The following NOL9 variants were observed in gnomAD, a reference collection of about 807,000 sequenced individuals.
The protein encoded by NOL9 is nucleolar protein 9.
A neutral mutation model predicts 67.9 loss-of-function variants in NOL9; 28 were observed. The observed-to-expected ratio is 0.41, with a 90% CI of 0.31 to 0.57. The LOEUF is 0.57. Among genes scored for constraint, NOL9 ranks in the 20% least tolerant of loss-of-function variants. The pLI is 0.25. For synonymous variants in NOL9, 356 were observed against 352.2 expected (o/e 1.01, Z -0.12); for missense variants, 777 against 897.0 (o/e 0.87, Z 1.71).
chr1:6,533,909 C>CA (rs1639090538), intron 6 of NOL9, among the ~76,000 whole-genome samples: 8 of 148,894 alleles, frequency 5.4e-5, no homozygotes, highest in African/African-American at 2.0e-4. Flanking sequence ...TTTTTTTAGA[C>CA]AGAGTTTCAC....
At chr1:6,531,845 T>C in intron 9 of NOL9, 123 bp downstream of exon 9, 2 of 747,420 alleles carry the variant, frequency 2.7e-6, no homozygotes, top group Non-Finnish European at 4.7e-6. Flanking sequence ...GCTGTGTCAC[T>C]GGGATGTTCT....
rs1639496363 is a variant in NOL9, at chr1:6,549,593, G to A, written c.722C>T (p.Ser241Leu). The change falls in exon 3 of 12, where the codon TCA becomes TTA. Residue 241 changes from serine to leucine, a missense_variant. Coordinates refer to ENST00000377705, the MANE Select transcript of NOL9 (RefSeq NM_024654.5). The part of the protein sequence containing the change: ...TVNFITSYPG[S>L]SYIFVQESPT... ...TACCTCTTGCACAAAAATGTAGGAT[G>A]AACCCGGATAGCTGGTTATGAAGTT... 1.2e-6 allele frequency: 2 copies of A among 1,614,070 alleles called. No individual in the cohort carries two copies. The highest frequency in any genetic ancestry group is 1.7e-6 in the Non-Finnish European group (2 of 1,180,002).
rs147392223 is a variant in NOL9 at position 6,528,782 on chromosome 1, G to A, written c.1825+212C>T. ...GAGGAGGGCCAAGCCCAGGCCCTTG[G>A]GAAGCCTACATTTACAGGAGCTGGC... On this transcript the variant is annotated intron_variant, in intron 10 of 11. Transcript: ENST00000377705. Among the ~76,000 whole-genome samples, 80 of 152,348 alleles carry A rather than the reference G, an allele frequency of 5.3e-4. 2 individuals are homozygous for A. Among genetic ancestry groups the A allele is most frequent in the African/African-American group, 1.8e-3 (76 of 41,582 alleles).
At chr1:6,535,786 G>C (rs1283133691) in intron 6 of NOL9, among the ~76,000 whole-genome samples, 1 of 152,094 alleles carries the variant, frequency 6.6e-6, no homozygotes, top group Non-Finnish European at 1.5e-5. Flanking sequence ...AAATTAGCCA[G>C]GCATGGTGGC....
chr1:6,532,060 G>T lies in NOL9; in HGVS notation c.1555C>A (p.Leu519Ile). The change falls in exon 9 of 12, where the codon CTT becomes ATT. Residue 519 changes from leucine to isoleucine, a missense_variant. This residue lies in a region of NOL9 where 413 missense variants were observed against 552.6 expected (regional missense o/e 0.75). Transcript: ENST00000377705. ...PRNRESHNKI[L>I]RDLSILSYLS... ...TAACTCAAGATGGACAGATCTCGAAGAATTTTGTTATGTGACTCTCTGAAA... is the reference window on the plus strand; with the variant it reads ...TAACTCAAGATGGACAGATCTCGAATAATTTTGTTATGTGACTCTCTGAAA... The T allele has an allele frequency of 6.2e-7, 1 of 1,614,170 alleles. No homozygotes were observed. Among genetic ancestry groups the T allele is most frequent in the South Asian group, 1.1e-5 (1 of 91,082 alleles).
At position 6,554,297 on chromosome 1, in the gene NOL9, A is replaced by C. The variant is rs1211848195; in HGVS notation, c.206T>G (p.Val69Gly). The change falls in exon 1 of 12, where the codon GTG becomes GGG. Residue 69 changes from valine to glycine, a missense_variant. Physicochemically the swap from Val to Gly is moderately radical, Grantham distance 109. Coordinates refer to ENST00000377705, the MANE Select transcript of NOL9 (RefSeq NM_024654.5). The stretch of plus-strand genomic sequence containing the variant: ...TCTCCGGGCCGCCGCCGCGCGCGAC[A>C]CCTGGCGGGCTCCCTCCCTCCAGTC... ...GVDWREGARQ[V>G]SRAAAARRPN... 3.4e-5 allele frequency: 50 copies of C among 1,475,256 alleles called. No homozygotes were observed. The highest frequency in any genetic ancestry group is 4.2e-5 in the Non-Finnish European group (47 of 1,115,924). The allele number at this position is 1,475,256 out of a possible 1,614,324, so 91.4% of individuals were successfully genotyped here.
chr1:6,534,320 G>A (rs1389342210), intron 6 of NOL9, among the ~76,000 whole-genome samples: 1 of 151,756 alleles, frequency 6.6e-6, no homozygotes, highest in Non-Finnish European at 1.5e-5. Context: ...AACCCAGAGG[G>A]GCCGGCTCCT....
chr1:6,531,694 C>A (rs1639032123), intron 9 of NOL9, among the ~76,000 whole-genome samples: 1 of 152,146 alleles, frequency 6.6e-6, no homozygotes, highest in Non-Finnish European at 1.5e-5. Context: ...CCACACTTAT[C>A]CTCAGTACAG....
At chr1:6,552,963 T>C (rs1425259564) in intron 1 of NOL9, among the ~76,000 whole-genome samples, 5 of 152,090 alleles carry the variant, frequency 3.3e-5, no homozygotes, top group African/African-American at 1.2e-4. Flanking sequence ...AGGCGTGTGC[T>C]ACCATGCCCA....
rs372387805 is a variant in NOL9, at chr1:6,554,270, G to C, written c.233C>G (p.Pro78Arg). Residue 78 changes from proline to arginine, a missense_variant, in exon 1 of 12, where the codon CCC (proline) becomes CGC (arginine). By Grantham distance (103) the Pro-to-Arg change is moderately radical. Transcript: ENST00000377705. ...QVSRAAAARR[P>R]NTATPSPIPS... ...GATCGGGCTGGGGGTCGCGGTGTTG[G>C]GTCTCCGGGCCGCCGCCGCGCGCGA... 2.4e-5 allele frequency: 35 copies of C among 1,477,068 alleles called. No individual in the cohort carries two copies. The highest frequency in any genetic ancestry group is 1.8e-4 in the East Asian group (6 of 34,248). 91.5% of individuals were successfully genotyped at this position (1,477,068 alleles called of 1,614,324 possible).
intron 7 of NOL9, among the ~76,000 whole-genome samples, 162 bp from the exon 8 acceptor site, chr1:6,532,922 C>A (rs1281764990): frequency 2.0e-5 from 3 of 152,238 alleles, no homozygotes; most frequent in Admixed American, 2.0e-4. Context: ...TTTGTAATCC[C>A]AGCATGCCTT....
At chr1:6,531,776 G>C (rs1639033187) in intron 9 of NOL9, among the ~76,000 whole-genome samples, 192 bp downstream of exon 9, 1 of 152,144 alleles carries the variant, frequency 6.6e-6, no homozygotes, top group East Asian at 1.9e-4. Context: ...CTAGTGCTGA[G>C]TCCCTCAGCC....
At chr1:6,543,615 T>G (rs1639350803) in intron 5 of NOL9, among the ~76,000 whole-genome samples, 1 of 152,150 alleles carries the variant, frequency 6.6e-6, no homozygotes, top group Admixed American at 6.5e-5. Flanking sequence ...GCCTCCCACT[T>G]TTGCCTCCCA....
rs1327071374 is a variant in NOL9, at chr1:6,541,852, A to G, written c.1053T>C (p.Leu351=). Residue 351 remains leucine, a synonymous_variant, in exon 6 of 12, where the codon CTT becomes CTC. Coordinates refer to ENST00000377705, the MANE Select transcript of NOL9 (RefSeq NM_024654.5). ...TACCCAGAACTGGTTCTGTAATATTAAGCAAAGAAATGCAACCAGGAGGGG... is the reference window on the plus strand; with the variant it reads ...TACCCAGAACTGGTTCTGTAATATTGAGCAAAGAAATGCAACCAGGAGGGG... ...EFTPPGCISL[L]NITEPVLGPP... is the part of the protein sequence containing the mutation. 1.9e-6 allele frequency: 3 copies of G among 1,606,640 alleles called. No homozygotes were observed. In the African/African-American group the frequency reaches 4.0e-5, roughly 22 times the overall value.
At chr1:6,532,278 A>G (rs1570046068) in intron 8 of NOL9, 185 bp downstream of exon 8, 2 of 718,832 alleles carry the variant, frequency 2.8e-6, no homozygotes, top group Non-Finnish European at 4.6e-6. Context: ...GAGGTAGGGG[A>G]CACTTCTGGA....
rs1638803428 is a variant in NOL9, at chr1:6,522,896, A to AAG, written c.*2957_*2958insCT. The AAG allele has an allele frequency of 6.7e-6, 1 of 148,962 alleles. No homozygotes were observed. The highest frequency in any genetic ancestry group is 1.5e-5 in the Non-Finnish European group (1 of 67,394). 9.2% of individuals were successfully genotyped at this position (148,962 alleles called of 1,614,324 possible). On this transcript the variant is annotated 3_prime_UTR_variant, in exon 12 of 12. Coordinates refer to ENST00000377705, the MANE Select transcript of NOL9 (RefSeq NM_024654.5). The stretch of plus-strand genomic sequence containing the variant: ...TAGACTCTGTCTCAAAAAAAAAAAA[A>AAG]AAAAAGAAATTGCTTCAGCACTTTG...
In NOL9 at chr1:6,527,327, C is replaced by T. The variant is rs986986052; in HGVS notation, c.1826-498G>A. 6.6e-5 allele frequency among the ~76,000 whole-genome samples: 10 copies of T among 151,588 alleles called. No homozygotes were observed. The East Asian group carries it at 9.8e-4, about 15-fold the overall frequency. On this transcript the variant is annotated intron_variant, in intron 10 of 11. Coordinates refer to ENST00000377705, the MANE Select transcript of NOL9 (RefSeq NM_024654.5). ...TTCGTACCTTCCCTGTGTTCAGCCA[C>T]GAGGAACAAAAATGGTCTACATGCA...
At chr1:6,535,821 G>C (rs1418165322) in intron 6 of NOL9, among the ~76,000 whole-genome samples, 4 of 151,956 alleles carry the variant, frequency 2.6e-5, no homozygotes, top group Non-Finnish European at 5.9e-5. Flanking sequence ...CCAGCTACTT[G>C]GGAGGCTGAG....
rs1243936890 is a variant in NOL9 at position 6,548,398 on chromosome 1, CA to C, written c.744+1172del. The C allele has an allele frequency of 4.2e-5, 9 of 212,936 alleles. No individual in the cohort carries two copies. The East Asian group carries it at 1.0e-3, about 24-fold the overall frequency. The allele number at this position is 212,936 out of a possible 1,614,324, so 13.2% of individuals were successfully genotyped here. A position where few individuals can be genotyped will look rare whatever the true frequency, so the allele number is the denominator to read the frequency against. ...CTAACCTGAAGTGATCTGCCCACCT[CA>C]GCTTCCCAAAGTGCTGGGATTACAG... On this transcript the variant is annotated intron_variant, in intron 3 of 11. Transcript: ENST00000377705.
Sources: gnomAD v4.1 joint callset for allele counts (sites outside exome capture counted in the v4.1 genomes callset) on GRCh38, gnomAD v4.1.1 for gene constraint, gnomAD v4.1.1 regional missense constraint, MANE v1.5 for transcripts, NCBI Gene and HGNC (gene_info 2026-07-23, HGNC 2026-07-21) for gene names.